CEMIP: variants seen among roughly 807,000 people sequenced by gnomAD.
CEMIP encodes cell migration inducing hyaluronidase 1, also known as cell migration-inducing and hyaluronan-binding protein.
In CEMIP, 105 loss-of-function variants were observed where a neutral mutation model predicts 156.9. The observed-to-expected ratio is 0.67, with a 90% CI of 0.57 to 0.79. CEMIP has a LOEUF of 0.79. Among genes scored for constraint, CEMIP ranks in the 30% least tolerant of loss-of-function variants. CEMIP has a pLI of 0.00. For missense variants in CEMIP, 1,457 were observed against 1,769.4 expected (o/e 0.82, Z 3.17); for synonymous variants, 676 against 668.4 (o/e 1.01, Z -0.17).
rs533109079 is a variant in CEMIP, at chr15:80,878,745, G to T, written c.119G>T (p.Ser40Ile). ...STVAAGCPDQ[S>I]PELQPWNPGH... ...GTGGCTGCTGGGTGCCCTGACCAGA[G>T]CCCTGAGTTGCAACCCTGGAACCCT... is the stretch of plus-strand genomic sequence containing the variant. Residue 40 changes from serine (S) to isoleucine (I), a missense_variant, in exon 4 of 30, where the codon AGC becomes ATC. By Grantham distance (142) the Ser-to-Ile change is moderately radical (BLOSUM62 -2). Transcript: ENST00000394685. The T allele has an allele frequency of 5.6e-6, 9 of 1,614,040 alleles. No homozygotes were observed. Among genetic ancestry groups the T allele is most frequent in the African/African-American group, 1.3e-5 (1 of 74,926 alleles).
At chr15:80,896,161 C>A in intron 12 of CEMIP, 101 bp downstream of exon 12, 2 of 1,186,944 alleles carry the variant, frequency 1.7e-6, no homozygotes, top group Non-Finnish European at 2.5e-6. Context: ...TCAGCTATGG[C>A]TGTAATAATG....
intron 1 of CEMIP, chr15:80,841,904 C>T (rs1567065950): frequency 2.0e-5 from 5 of 246,244 alleles, no homozygotes; most frequent in Non-Finnish European, 3.5e-5. Context: ...AACTCTGTTC[C>T]TCATCTGTAA....
rs753484940 is a variant in CEMIP, at chr15:80,921,978, G to T, written c.2074-31G>T. Reference sequence around the variant, plus strand: ...CAGGAGCTCTCTGGGGCTGAACGCTGTGGCTTTTCCCTTGTGTCCTTCCCC... The same window carrying T: ...CAGGAGCTCTCTGGGGCTGAACGCTTTGGCTTTTCCCTTGTGTCCTTCCCC... On this transcript the variant is annotated intron_variant, in intron 16 of 29. Coordinates refer to ENST00000394685, the MANE Select transcript of CEMIP (RefSeq NM_001293298.2). 8 of 1,613,746 alleles carry T rather than the reference G, an allele frequency of 5.0e-6. No individual in the cohort carries two copies. In the East Asian group the frequency reaches 1.6e-4, roughly 31 times the overall value.
intron 14 of CEMIP, among the ~76,000 whole-genome samples, chr15:80,915,114 T>C (rs1479339181): frequency 2.6e-5 from 4 of 152,212 alleles, no homozygotes; most frequent in African/African-American, 7.2e-5. Context: ...TCTTAGGTTT[T>C]ACAATAGTGA....
intron 1 of CEMIP, among the ~76,000 whole-genome samples, chr15:80,863,361 T>C (rs945003251): frequency 6.6e-6 from 1 of 152,182 alleles, no homozygotes; most frequent in Non-Finnish European, 1.5e-5. Context: ...CAGTCCAATG[T>C]TGACTGGGCA....
chr15:80,937,017 G>C, intron 24 of CEMIP, 132 bp downstream of exon 24: 1 of 856,160 alleles, frequency 1.2e-6, no homozygotes, highest in East Asian at 2.6e-5. Context: ...TAGAGGGGTT[G>C]ACATCACCCA....
chr15:80,876,959 G>C (rs1005838306), intron 3 of CEMIP, among the ~76,000 whole-genome samples: 39 of 152,240 alleles, frequency 2.6e-4, no homozygotes, highest in African/African-American at 8.9e-4. Context: ...GAGGTTTAAT[G>C]GACTCACAGT....
chr15:80,877,773 C>T (rs1567079267), intron 3 of CEMIP, among the ~76,000 whole-genome samples: 1 of 152,204 alleles, frequency 6.6e-6, no homozygotes, highest in Non-Finnish European at 1.5e-5. Context: ...TACCCACCCC[C>T]GGTCTTTTTA....
At chr15:80,862,893 G>A (rs562992107) in intron 1 of CEMIP, among the ~76,000 whole-genome samples, 15 of 152,346 alleles carry the variant, frequency 9.8e-5, no homozygotes, top group South Asian at 2.1e-4. Flanking sequence ...GGTGATGGGC[G>A]TCTATGGTCT....
rs768841194 is a variant in CEMIP at position 80,859,761 on chromosome 15, G to A, written c.-175-13777G>A. On this transcript the variant is annotated intron_variant, in intron 1 of 29. Transcript: ENST00000394685. ...AAAATCCCTTGCACATTTAGTGGTCGGAAGTATTGGGATAGTGGAGGGAAA... is the reference window on the plus strand; with the variant it reads ...AAAATCCCTTGCACATTTAGTGGTCAGAAGTATTGGGATAGTGGAGGGAAA... Among the ~76,000 whole-genome samples the A allele has an allele frequency of 5.3e-5, 8 of 152,212 alleles. 1 individual carries two copies. Among genetic ancestry groups the A allele is most frequent in the Admixed American group, 1.3e-4 (2 of 15,282 alleles).
chr15:80,879,436 T>C (rs551303821), intron 4 of CEMIP, among the ~76,000 whole-genome samples: 1 of 152,220 alleles, frequency 6.6e-6, no homozygotes, highest in Non-Finnish European at 1.5e-5. Context: ...TATGGGAGGA[T>C]GTGCATAGGT....
chr15:80,800,986 C>G (rs966043364), intron 1 of CEMIP, among the ~76,000 whole-genome samples: 1 of 152,194 alleles, frequency 6.6e-6, no homozygotes, highest in African/African-American at 2.4e-5. Context: ...GTTTTAGACT[C>G]TAGCAACATC....
chr15:80,827,250 C>A (rs1288267253), intron 1 of CEMIP, among the ~76,000 whole-genome samples: 1 of 152,160 alleles, frequency 6.6e-6, no homozygotes, highest in African/African-American at 2.4e-5. Flanking sequence ...AGAGAAAATA[C>A]CACTCTGTCC....
intron 1 of CEMIP, among the ~76,000 whole-genome samples, chr15:80,805,181 G>T (rs1218934374): frequency 6.6e-6 from 1 of 152,094 alleles, no homozygotes; most frequent in Non-Finnish European, 1.5e-5. Context: ...TCAGTGGCTG[G>T]CTTAGAGATC....
At chr15:80,881,846 C>G (rs1029444196) in intron 6 of CEMIP, among the ~76,000 whole-genome samples, 6 of 152,170 alleles carry the variant, frequency 3.9e-5, no homozygotes, top group African/African-American at 1.4e-4. Context: ...CTGCTGTGGT[C>G]TAGGCAAGAC....
intron 8 of CEMIP, 53 bp from the exon 9 acceptor site, chr15:80,888,648 T>A (rs1212625471): frequency 2.7e-5 from 42 of 1,534,146 alleles, no homozygotes; most frequent in Non-Finnish European, 3.6e-5. Context: ...GAGTCACAAC[T>A]TTTTGAATTT....
intron 6 of CEMIP, among the ~76,000 whole-genome samples, 163 bp downstream of exon 6, chr15:80,881,299 C>G (rs1201058082): frequency 6.6e-6 from 1 of 152,190 alleles, no homozygotes; most frequent in African/African-American, 2.4e-5. Context: ...AGGCATTGGC[C>G]TAATGATGCT....
At chr15:80,945,495 A>G (rs1901513286) in intron 28 of CEMIP, among the ~76,000 whole-genome samples, 1 of 152,230 alleles carries the variant, frequency 6.6e-6, no homozygotes, top group African/African-American at 2.4e-5. Flanking sequence ...AGGATGTGTT[A>G]GCAATGAGAC....
At chr15:80,787,058 C>T (rs557660417) in intron 1 of CEMIP, among the ~76,000 whole-genome samples, 4 of 152,274 alleles carry the variant, frequency 2.6e-5, no homozygotes, top group East Asian at 1.9e-4. Context: ...CGCAGGGTTG[C>T]GGGTGGTGGC....
Sources: allele counts gnomAD v4.1 joint callset (sites outside exome capture counted in the v4.1 genomes callset), GRCh38; gene constraint gnomAD v4.1.1; transcripts MANE v1.5; gene names NCBI Gene and HGNC (gene_info 2026-07-23, HGNC 2026-07-21).